ASIC2: variants seen among roughly 807,000 people sequenced by gnomAD.
The protein encoded by ASIC2 is acid-sensing ion channel 2.
In ASIC2, 25 loss-of-function variants were observed where a neutral mutation model predicts 57.3. The observed-to-expected ratio is 0.44, with a 90% CI of 0.32 to 0.61. ASIC2 has a LOEUF of 0.61. ASIC2 is among the 20% of genes least tolerant of loss of function. ASIC2 has a pLI of 0.06. For synonymous variants in ASIC2, 319 were observed against 307.5 expected, an observed-to-expected ratio of 1.04 and a Z score of -0.39; for missense variants, 641 against 738.1, an observed-to-expected ratio of 0.87 and a Z score of 1.52.
intron 1 of ASIC2, among the ~76,000 whole-genome samples, chr17:33,348,062 G>A (rs561766170): frequency 2.4e-4 from 36 of 152,238 alleles, no homozygotes; most frequent in African/African-American, 6.3e-4. Context: ...AGATGGCACT[G>A]CTGCACTCCA....
At chr17:33,078,481 G>C (rs139623044) in intron 3 of ASIC2, among the ~76,000 whole-genome samples, 150 of 152,350 alleles carry the variant, frequency 9.8e-4, no homozygotes, top group African/African-American at 3.5e-3. Flanking sequence ...TTAGCCCTCA[G>C]AGATCATTGC....
chr17:33,779,837 G>A (rs927258724), intron 1 of ASIC2, among the ~76,000 whole-genome samples: 2 of 152,064 alleles, frequency 1.3e-5, no homozygotes, highest in South Asian at 4.2e-4. Flanking sequence ...AACCCTATGT[G>A]GCAGGGACTC....
rs376583299 is a variant in ASIC2 at position 33,443,607 on chromosome 17, G to A, written c.556-331540C>T. ...TTTTTTTTGTATTTTTAGTAGAGAC[G>A]GGGTTTCACCGTTTTAGCCGGGATG... On this transcript the variant is annotated intron_variant, in intron 1 of 9. Coordinates refer to the ASIC2 transcript ENST00000359872. 2.4e-4 allele frequency among the ~76,000 whole-genome samples: 36 copies of A among 150,028 alleles called. No individual in the cohort carries two copies. In the East Asian group the frequency reaches 4.5e-3, roughly 19 times the overall value.
At chr17:33,516,781 A>G (rs1435241136) in intron 1 of ASIC2, among the ~76,000 whole-genome samples, 2 of 152,102 alleles carry the variant, frequency 1.3e-5, no homozygotes, top group Non-Finnish European at 2.9e-5. Flanking sequence ...TGTCTCTGGG[A>G]CACTTTGCCT....
At chr17:33,650,138 T>C (rs1004917698) in intron 1 of ASIC2, among the ~76,000 whole-genome samples, 4 of 152,132 alleles carry the variant, frequency 2.6e-5, no homozygotes, top group Non-Finnish European at 4.4e-5. Flanking sequence ...CAAAACTCCA[T>C]AGTGAAAAAC....
intron 1 of ASIC2, among the ~76,000 whole-genome samples, chr17:33,150,849 CA>C (rs61602373): frequency 8.0e-3 from 151 of 18,908 alleles, no homozygotes; most frequent in Middle Eastern, 0.042. Context: ...GACTCCGTCT[CA>C]AAAAAAAAAA....
intron 1 of ASIC2, among the ~76,000 whole-genome samples, chr17:34,044,558 G>T (rs1204947790): frequency 6.6e-6 from 1 of 152,176 alleles, no homozygotes; most frequent in Non-Finnish European, 1.5e-5. Flanking sequence ...TCTGCAGCTT[G>T]ACCCACATCC....
rs114531939 is a variant in ASIC2, at chr17:33,278,396, C to G, written c.708+13012G>C. On this transcript the variant is annotated intron_variant, in intron 1 of 9. Coordinates refer to ENST00000225823, the MANE Select transcript of ASIC2 (RefSeq NM_183377.2). ...GGCATGGTGGTGCGTCTCTGTAGTC[C>G]CAGCTACTTGAGAGGCTGAGGCAGG... is the stretch of plus-strand genomic sequence containing the variant. Among the ~76,000 whole-genome samples, 215 of 151,930 alleles carry G rather than the reference C, an allele frequency of 1.4e-3. 2 individuals carry two copies. The highest frequency in any genetic ancestry group is 4.9e-3 in the African/African-American group (204 of 41,418).
intron 1 of ASIC2, among the ~76,000 whole-genome samples, chr17:33,554,547 G>A (rs544793576): frequency 4.6e-5 from 7 of 152,268 alleles, no homozygotes; most frequent in African/African-American, 7.2e-5. Context: ...AAGGGCCTGG[G>A]GTTGCCAGTT....
At chr17:33,360,405 A>G (rs1254883577) in intron 1 of ASIC2, among the ~76,000 whole-genome samples, 1 of 152,210 alleles carries the variant, frequency 6.6e-6, no homozygotes, top group African/African-American at 2.4e-5. Flanking sequence ...TGCCTACAGC[A>G]GGGGCTCAGT....
At chr17:34,067,295 A>G (rs1052746835) in intron 1 of ASIC2, among the ~76,000 whole-genome samples, 1 of 152,220 alleles carries the variant, frequency 6.6e-6, no homozygotes, top group African/African-American at 2.4e-5. Flanking sequence ...ACTTCAGATG[A>G]AAGAAATTGA....
intron 1 of ASIC2, among the ~76,000 whole-genome samples, chr17:33,337,637 CAA>C (rs769865832): frequency 1.3e-5 from 2 of 152,150 alleles, no homozygotes; most frequent in Non-Finnish European, 2.9e-5. Context: ...CTGTGCTAGG[CAA>C]AGAGGGTGGA....
intron 1 of ASIC2, among the ~76,000 whole-genome samples, chr17:33,737,279 T>C (rs1597855508): frequency 6.6e-6 from 1 of 152,272 alleles, no homozygotes; most frequent in Non-Finnish European, 1.5e-5. Flanking sequence ...CAGATTGTTT[T>C]CCAAGCCACA....
intron 3 of ASIC2, among the ~76,000 whole-genome samples, chr17:33,077,635 A>C (rs996238878): frequency 6.6e-6 from 1 of 152,212 alleles, no homozygotes; most frequent in African/African-American, 2.4e-5. Flanking sequence ...ACAGATAAGC[A>C]GTATGATTTA....
intron 1 of ASIC2, among the ~76,000 whole-genome samples, chr17:33,354,487 G>A (rs1330698144): frequency 1.3e-5 from 2 of 152,128 alleles, no homozygotes; most frequent in African/African-American, 4.8e-5. Flanking sequence ...CACTGCTCTT[G>A]GGATAGAGGC....
chr17:33,739,071 T>C (rs772944246), intron 1 of ASIC2, among the ~76,000 whole-genome samples: 10 of 152,224 alleles, frequency 6.6e-5, no homozygotes, highest in Non-Finnish European at 1.0e-4. Flanking sequence ...AAAATGGCAG[T>C]GCTGTGGTGA....
intron 1 of ASIC2, among the ~76,000 whole-genome samples, chr17:33,470,701 A>G (rs1391810691): frequency 6.6e-6 from 1 of 152,144 alleles, no homozygotes; most frequent in African/African-American, 2.4e-5. Context: ...GCTTTTGAAA[A>G]CAAATGCATG....
At chr17:33,732,232 T>C (rs1001540160) in intron 1 of ASIC2, among the ~76,000 whole-genome samples, 1 of 152,186 alleles carries the variant, frequency 6.6e-6, no homozygotes, top group East Asian at 1.9e-4. Context: ...CATAAAAGGA[T>C]ACAATTAAAT....
At chr17:33,859,875 C>T (rs317341) in intron 1 of ASIC2, among the ~76,000 whole-genome samples, 61,443 of 151,956 alleles carry the variant, frequency 0.4, 13,769 homozygotes, top group East Asian at 0.68. Context: ...ATTGTAGAAA[C>T]GGGGCCTCAC....
Sources: allele counts gnomAD v4.1 joint callset (sites outside exome capture counted in the v4.1 genomes callset), GRCh38; gene constraint gnomAD v4.1.1; transcripts MANE v1.5; gene names NCBI Gene and HGNC (gene_info 2026-07-23, HGNC 2026-07-21).